CREB1: variants seen among roughly 807,000 people sequenced by gnomAD.
The protein encoded by CREB1 is cAMP responsive element binding protein 1, also known as cyclic AMP-responsive element-binding protein 1.
In CREB1, 2 loss-of-function variants were observed where a neutral mutation model predicts 42.0. The ratio of observed to expected loss-of-function variants is 0.05; its 90% CI spans 0.02 to 0.15. The LOEUF is 0.15. Among genes scored for constraint, CREB1 ranks in the 10% least tolerant of loss-of-function variants. The pLI is 1.00. For synonymous variants in CREB1, 123 were observed against 139.9 expected, an observed-to-expected ratio of 0.88 and a Z score of 0.85; for missense variants, 199 against 388.9, an observed-to-expected ratio of 0.51 and a Z score of 4.11.
At chr2:207,575,152 G>A in intron 5 of CREB1, 120 bp from the exon 6 acceptor site, 4 of 1,006,952 alleles carry the variant, frequency 4.0e-6, no homozygotes, top group Non-Finnish European at 5.8e-6. Flanking sequence ...ACCCTTCTTG[G>A]TGATGTTATT....
At chr2:207,537,100 G>T (rs2080905605) in intron 1 of CREB1, among the ~76,000 whole-genome samples, 1 of 152,094 alleles carries the variant, frequency 6.6e-6, no homozygotes, top group Non-Finnish European at 1.5e-5. Context: ...CTGTTGCCAG[G>T]CTGGAGTGCA....
chr2:207,546,163 G>C (rs1033299644), intron 1 of CREB1, among the ~76,000 whole-genome samples: 3 of 152,192 alleles, frequency 2.0e-5, no homozygotes, highest in African/African-American at 7.2e-5. Context: ...TGAGACATGA[G>C]AAATAGCGTG....
rs998055578 is a variant in CREB1, at chr2:207,601,964, C to G, written c.*4906C>G. 9.6e-6 allele frequency: 2 copies of G among 208,792 alleles called. No individual in the cohort carries two copies. The highest frequency in any genetic ancestry group is 4.6e-5 in the African/African-American group (2 of 43,944). 12.9% of individuals were successfully genotyped at this position (208,792 alleles called of 1,614,324 possible). On this transcript the variant is annotated 3_prime_UTR_variant, in exon 8 of 8. Transcript: ENST00000353267. ...ACTAGGAACTGGTTTCCTTGACATT[C>G]TAGAATCAATGGCTAGGAGAGGCAT...
intron 3 of CREB1, among the ~76,000 whole-genome samples, chr2:207,567,027 C>A (rs1361391472): frequency 1.3e-5 from 2 of 152,110 alleles, no homozygotes; most frequent in East Asian, 3.9e-4. Flanking sequence ...GCCAGTCTTA[C>A]TGTACAACTG....
Position 207,603,892 on chromosome 2 carries a change from TTC to T in CREB1, c.*6836_*6837del, listed in dbSNP as rs2087581297. ...CTATACTATTAACTTCTGAAATAAG[TTC>T]TGAGACGAGACATCTGAAAATAAGC... On this transcript the variant is annotated 3_prime_UTR_variant, in exon 8 of 8. Transcript: ENST00000353267. Among the ~76,000 whole-genome samples, 2 of 152,210 alleles carry T rather than the reference TTC, an allele frequency of 1.3e-5. No individual in the cohort carries two copies. The highest frequency in any genetic ancestry group is 2.9e-5 in the Non-Finnish European group (2 of 68,028).
chr2:207,583,822 A>C (rs2083356484), intron 7 of CREB1, among the ~76,000 whole-genome samples: 1 of 152,198 alleles, frequency 6.6e-6, no homozygotes, highest in Admixed American at 6.5e-5. Flanking sequence ...GTATTCTCTT[A>C]TATCCCTTTG....
intron 3 of CREB1, among the ~76,000 whole-genome samples, chr2:207,563,234 AAGTG>A (rs1161419570): frequency 1.3e-4 from 20 of 152,294 alleles, no homozygotes; most frequent in Admixed American, 1.1e-3. Flanking sequence ...GGAATAGAGT[AAGTG>A]AGGAGGGAAG....
chr2:207,602,978 G>C lies in CREB1; in HGVS notation c.*5920G>C, dbSNP rs1222138633. 1 of 214,458 alleles carries C rather than the reference G, an allele frequency of 4.7e-6. No homozygotes were observed. Among genetic ancestry groups the C allele is most frequent in the African/African-American group, 2.3e-5 (1 of 44,342 alleles). The allele number at this position is 214,458 out of a possible 1,614,324, so 13.3% of individuals were successfully genotyped here. A position where few individuals can be genotyped will look rare whatever the true frequency, so the allele number is the denominator to read the frequency against. On this transcript the variant is annotated 3_prime_UTR_variant, in exon 8 of 8. Coordinates refer to ENST00000353267, the MANE Select transcript of CREB1 (RefSeq NM_004379.5). ...AATAATCAGGGAAGTTCCTAGAAAG[G>C]TGTTTGGCTTTTTGGTTTTTGAGGG...
chr2:207,571,822 A>G, intron 5 of CREB1: 1 of 431,166 alleles, frequency 2.3e-6, no homozygotes, highest in Non-Finnish European at 4.7e-6. Context: ...GCTCTTTAGG[A>G]AAGAGGCCTA....
At chr2:207,589,333 A>G (rs552605542) in intron 7 of CREB1, among the ~76,000 whole-genome samples, 2 of 152,190 alleles carry the variant, frequency 1.3e-5, no homozygotes, top group African/African-American at 2.4e-5. Context: ...CATCTTCAAC[A>G]TAGTGTTATC....
At chr2:207,587,164 C>T (rs1462202571) in intron 7 of CREB1, among the ~76,000 whole-genome samples, 4 of 152,042 alleles carry the variant, frequency 2.6e-5, no homozygotes, top group Admixed American at 2.0e-4. Context: ...GAGGCCAAGG[C>T]GGGTGGATCA....
At chr2:207,531,239 G>T (rs922077386) in intron 1 of CREB1, among the ~76,000 whole-genome samples, 4 of 151,950 alleles carry the variant, frequency 2.6e-5, no homozygotes, top group African/African-American at 9.7e-5. Flanking sequence ...ACCGCGTTTG[G>T]GTCATCTGGA....
intron 3 of CREB1, 122 bp downstream of exon 3, chr2:207,560,494 G>A: frequency 1.1e-6 from 1 of 881,008 alleles, no homozygotes; most frequent in Non-Finnish European, 1.7e-6. Context: ...TCACAGTATA[G>A]GAATATGCTG....
At chr2:207,595,653 C>T (rs1330592879) in intron 7 of CREB1, among the ~76,000 whole-genome samples, 2 of 152,126 alleles carry the variant, frequency 1.3e-5, no homozygotes, top group African/African-American at 4.8e-5. Context: ...AACCTAAGAC[C>T]TCCTGGGCTT....
At chr2:207,566,187 G>A (rs2082131711) in intron 3 of CREB1, among the ~76,000 whole-genome samples, 1 of 152,064 alleles carries the variant, frequency 6.6e-6, no homozygotes, top group Non-Finnish European at 1.5e-5. Context: ...CATTTTAAAT[G>A]AGCATGCATA....
chr2:207,553,796 A>G (rs1182608691), intron 1 of CREB1, among the ~76,000 whole-genome samples: 1 of 152,218 alleles, frequency 6.6e-6, no homozygotes, highest in African/African-American at 2.4e-5. Flanking sequence ...GTTAAAGGTG[A>G]AAGTCATTCT....
At position 207,555,161 on chromosome 2, in the gene CREB1, C is replaced by T. The variant is rs142479787; in HGVS notation, c.-8-467C>T. On this transcript the variant is annotated intron_variant, in intron 1 of 7. Transcript: ENST00000353267. ...AAGTAGCTTACAATTGCTGTTTCTT[C>T]CTTCTTATGGGGGGAAATACCCTTA... Among the ~76,000 whole-genome samples, 131 of 152,216 alleles carry T rather than the reference C, an allele frequency of 8.6e-4. 4 individuals carry two copies. The East Asian group carries it at 0.021, about 24-fold the overall frequency.
At position 207,603,403 on chromosome 2, in the gene CREB1, C is replaced by G. The variant is rs2087458374; in HGVS notation, c.*6345C>G. 1 of 223,962 alleles carries G rather than the reference C, an allele frequency of 4.5e-6. No individual in the cohort carries two copies. Among genetic ancestry groups the G allele is most frequent in the African/African-American group, 2.2e-5 (1 of 44,868 alleles). The allele number at this position is 223,962 out of a possible 1,614,324, so 13.9% of individuals were successfully genotyped here. On this transcript the variant is annotated 3_prime_UTR_variant, in exon 8 of 8. Coordinates refer to ENST00000353267, the MANE Select transcript of CREB1 (RefSeq NM_004379.5). ...CTCTTTTTACACAAACATTTATGTG[C>G]AGTCACATAAACATGCTTTTAAAAA...
chr2:207,556,843 GAC>G (rs1365115250), intron 2 of CREB1, among the ~76,000 whole-genome samples: 1 of 152,110 alleles, frequency 6.6e-6, no homozygotes, highest in Non-Finnish European at 1.5e-5. Context: ...GAAAGAGGAA[GAC>G]ACAATGCTAG....
Sources: gnomAD v4.1 joint callset for allele counts (sites outside exome capture counted in the v4.1 genomes callset) on GRCh38, gnomAD v4.1.1 for gene constraint, MANE v1.5 for transcripts, NCBI Gene and HGNC (gene_info 2026-07-23, HGNC 2026-07-21) for gene names.